Variants in NCOA2 observed in about 807,000 individuals in gnomAD.
The protein encoded by NCOA2 is class E basic helix-loop-helix protein 75.
Under a neutral mutation model 145.1 loss-of-function variants are expected in NCOA2, and 21 were observed. That is an observed-to-expected ratio of 0.14 (90% CI 0.10 to 0.21). NCOA2 has a LOEUF of 0.21. NCOA2 is among the 10% of genes least tolerant of loss of function. NCOA2 has a pLI of 1.00. For missense variants in NCOA2, 1,472 were observed against 1,837.6 expected, an observed-to-expected ratio of 0.80 and a Z score of 3.64; for synonymous variants, 619 against 637.5, an observed-to-expected ratio of 0.97 and a Z score of 0.44.
chr8:70,151,411 C>T (rs1181151515), intron 11 of NCOA2, among the ~76,000 whole-genome samples: 1 of 152,024 alleles, frequency 6.6e-6, no homozygotes, highest in Non-Finnish European at 1.5e-5. Context: ...CCTCAGCCTC[C>T]CCAACAGCTG....
chr8:70,331,459 AT>A (rs1256181733), intron 1 of NCOA2, among the ~76,000 whole-genome samples: 2 of 152,126 alleles, frequency 1.3e-5, no homozygotes, highest in African/African-American at 4.8e-5. Flanking sequence ...TAAATTACAG[AT>A]TTTTTCCTTT....
chr8:70,144,973 G>T, intron 12 of NCOA2, 125 bp from the exon 13 acceptor site: 1 of 778,198 alleles, frequency 1.3e-6, no homozygotes, highest in African/African-American at 1.7e-5. Context: ...CAACTACCTA[G>T]ATAAAAGACA....
intron 9 of NCOA2, 66 bp from the exon 10 acceptor site, chr8:70,159,718 G>C: frequency 7.1e-7 from 1 of 1,413,598 alleles, no homozygotes; most frequent in Non-Finnish European, 9.7e-7. Context: ...GGGAGGACAA[G>C]ACATAATAAG....
chr8:70,288,646 C>A (rs1316795454), intron 2 of NCOA2, among the ~76,000 whole-genome samples: 4 of 151,318 alleles, frequency 2.6e-5, no homozygotes, highest in Non-Finnish European at 5.9e-5. Context: ...AAACACAGGG[C>A]ACACACATTA....
At chr8:70,313,000 T>C (rs561259087) in intron 1 of NCOA2, among the ~76,000 whole-genome samples, 1 of 152,118 alleles carries the variant, frequency 6.6e-6, no homozygotes, top group Non-Finnish European at 1.5e-5. Flanking sequence ...TGGGGGAAAA[T>C]GTACATCAGA....
chr8:70,216,273 T>G (rs1342951651), intron 3 of NCOA2, among the ~76,000 whole-genome samples: 2 of 152,162 alleles, frequency 1.3e-5, no homozygotes, highest in African/African-American at 2.4e-5. Context: ...TGTTCTCAAC[T>G]CAGAAGTACA....
rs369222873 is a variant in NCOA2 at position 70,309,677 on chromosome 8, G to A, written c.-76-12877C>T. Among the ~76,000 whole-genome samples the A allele has an allele frequency of 5.3e-5, 8 of 152,042 alleles. No individual in the cohort carries two copies. In the East Asian group the frequency reaches 9.7e-4, roughly 18 times the overall value. On this transcript the variant is annotated intron_variant, in intron 1 of 22. Transcript: ENST00000452400. ...CAAAAATTGCTAGCCTTGGCCAAGC[G>A]CAGTAGCAAGCACCTGTAATCCCAA...
At chr8:70,307,220 C>CAAAAAAAAAAAAAAAA (rs57161747) in intron 1 of NCOA2, among the ~76,000 whole-genome samples, 19 of 71,638 alleles carry the variant, frequency 2.7e-4, no homozygotes, top group East Asian at 7.2e-4. Context: ...CCTACATAAG[C>CAAAAAAAAAAAAAAAA]AAAAAAAAAA....
intron 1 of NCOA2, among the ~76,000 whole-genome samples, chr8:70,342,627 A>AAT (rs1808233934): frequency 2.0e-5 from 3 of 151,984 alleles, no homozygotes; most frequent in African/African-American, 7.2e-5. Flanking sequence ...TCACATGCTG[A>AAT]ATTAATGCCA....
At chr8:70,114,332 G>A (rs1806847877) in intron 22 of NCOA2, among the ~76,000 whole-genome samples, 1 of 152,088 alleles carries the variant, frequency 6.6e-6, no homozygotes, top group African/African-American at 2.4e-5. Context: ...GGCCTCTTGG[G>A]GTGTTCTTGC....
chr8:70,330,785 G>T (rs751945451), intron 1 of NCOA2, among the ~76,000 whole-genome samples: 1 of 152,076 alleles, frequency 6.6e-6, no homozygotes, highest in African/African-American at 2.4e-5. Context: ...TTATGCTTAC[G>T]CAATCTTAAA....
chr8:70,378,743 T>TTAAA (rs564704569), intron 1 of NCOA2, among the ~76,000 whole-genome samples: 11 of 109,876 alleles, frequency 1.0e-4, no homozygotes, highest in Non-Finnish European at 1.9e-4. Flanking sequence ...TAGGCTATGC[T>TTAAA]AAAAAAAAAA....
At chr8:70,412,223 A>G in the NCOA2 span, among the ~76,000 whole-genome samples, 3 of 152,100 alleles carry the variant, frequency 2.0e-5, no homozygotes, top group Non-Finnish European at 2.9e-5. Flanking sequence ...GCAGTGAGCT[A>G]TGATCACACC....
intron 1 of NCOA2, among the ~76,000 whole-genome samples, chr8:70,318,459 T>C (rs76403814): frequency 0.017 from 2,615 of 152,236 alleles, 62 homozygotes; most frequent in African/African-American, 0.058. Context: ...ATTCTCCTCC[T>C]GCTCAGTGCT....
chr8:70,161,518 A>G (rs963098572), intron 9 of NCOA2, among the ~76,000 whole-genome samples: 4 of 152,218 alleles, frequency 2.6e-5, no homozygotes, highest in African/African-American at 9.6e-5. Flanking sequence ...AAAAGAATGA[A>G]TAAGATGAGG....
At chr8:70,347,016 C>G (rs1808716669) in intron 1 of NCOA2, among the ~76,000 whole-genome samples, 1 of 152,170 alleles carries the variant, frequency 6.6e-6, no homozygotes, top group Non-Finnish European at 1.5e-5. Context: ...TAACAGTTTT[C>G]TTTAATGTGA....
chr8:70,386,648 T>A (rs1297111768), intron 1 of NCOA2, among the ~76,000 whole-genome samples: 2 of 152,202 alleles, frequency 1.3e-5, no homozygotes, highest in African/African-American at 4.8e-5. Context: ...GAAAAATTTT[T>A]AAAAAATTAA....
At chr8:70,219,047 T>A (rs1819907351) in intron 2 of NCOA2, among the ~76,000 whole-genome samples, 1 of 152,188 alleles carries the variant, frequency 6.6e-6, no homozygotes, top group Admixed American at 6.5e-5. Flanking sequence ...ATATATATAT[T>A]ATTTGCATCA....
At chr8:70,435,508 T>G in the NCOA2 span, among the ~76,000 whole-genome samples, 1 of 150,114 alleles carries the variant, frequency 6.7e-6, no homozygotes, top group East Asian at 1.9e-4. Context: ...GCTCTACTGC[T>G]TTTTAGCTGT....
Sources: allele counts gnomAD v4.1 joint callset (sites outside exome capture counted in the v4.1 genomes callset), GRCh38; gene constraint gnomAD v4.1.1; transcripts MANE v1.5; gene names NCBI Gene and HGNC (gene_info 2026-07-23, HGNC 2026-07-21).